Variants in PTPRT observed in about 807,000 individuals in gnomAD.
PTPRT encodes receptor-type tyrosine-protein phosphatase T.
In PTPRT, 56 loss-of-function variants were observed where a neutral mutation model predicts 176.8. The ratio of observed to expected loss-of-function variants is 0.32; its 90% CI spans 0.26 to 0.40. PTPRT has a LOEUF of 0.40. Ranked by LOEUF, PTPRT falls within the 10% of genes least tolerant of loss-of-function variation. PTPRT has a pLI of 1.00. For missense variants in PTPRT, 1,540 were observed against 1,908.2 expected, an observed-to-expected ratio of 0.81 and a Z score of 3.60; for synonymous variants, 783 against 739.0, an observed-to-expected ratio of 1.06 and a Z score of -0.96.
chr20:42,807,349 T>C (rs891473963), intron 2 of PTPRT, among the ~76,000 whole-genome samples: 12 of 152,220 alleles, frequency 7.9e-5, no homozygotes, highest in African/African-American at 2.9e-4. Context: ...CTTTCCAGTG[T>C]TGCTATGATC....
chr20:42,751,806 C>T (rs980624294), intron 6 of PTPRT, among the ~76,000 whole-genome samples: 3 of 152,096 alleles, frequency 2.0e-5, no homozygotes, highest in South Asian at 2.1e-4. Context: ...GCTACACTGC[C>T]GAGCTTTCCT....
chr20:42,705,163 C>G (rs1248706069), intron 6 of PTPRT, among the ~76,000 whole-genome samples: 1 of 152,138 alleles, frequency 6.6e-6, no homozygotes. Flanking sequence ...CAAGATTGCA[C>G]TACTGCACCC....
intron 9 of PTPRT, among the ~76,000 whole-genome samples, chr20:42,445,870 G>C (rs533876876): frequency 6.6e-6 from 1 of 152,262 alleles, no homozygotes; most frequent in East Asian, 1.9e-4. Flanking sequence ...TTTGTGCATG[G>C]GGCTTCAGAG....
At chr20:42,241,147 T>C (rs1404147309) in intron 14 of PTPRT, among the ~76,000 whole-genome samples, 1 of 152,168 alleles carries the variant, frequency 6.6e-6, no homozygotes, top group African/African-American at 2.4e-5. Flanking sequence ...TTAATAGCTA[T>C]TACATTGTAT....
At chr20:42,593,946 G>A (rs181195991) in intron 7 of PTPRT, among the ~76,000 whole-genome samples, 10 of 152,306 alleles carry the variant, frequency 6.6e-5, no homozygotes, top group Admixed American at 5.9e-4. Context: ...TTCAGAGAGA[G>A]GTTGAAGCTG....
chr20:42,300,755 T>A (rs1453196592), intron 12 of PTPRT, among the ~76,000 whole-genome samples: 5 of 142,932 alleles, frequency 3.5e-5, no homozygotes, highest in Admixed American at 6.9e-5. Context: ...TCTTTTTATT[T>A]GTATTATTAT....
chr20:43,135,014 T>C (rs2013778387), intron 1 of PTPRT, among the ~76,000 whole-genome samples: 1 of 152,104 alleles, frequency 6.6e-6, no homozygotes, highest in Non-Finnish European at 1.5e-5. Flanking sequence ...ACCCAAACTG[T>C]CTCCAGATAA....
intron 2 of PTPRT, among the ~76,000 whole-genome samples, chr20:42,824,306 CTTTTG>C (rs202196498): frequency 0.019 from 2,846 of 152,030 alleles, 29 homozygotes; most frequent in Non-Finnish European, 0.027. Flanking sequence ...GTCTCTCTCT[CTTTTG>C]TTTTGTTTTG....
At chr20:42,597,667 TCTC>T (rs1251877045) in intron 7 of PTPRT, among the ~76,000 whole-genome samples, 1 of 152,152 alleles carries the variant, frequency 6.6e-6, no homozygotes, top group Non-Finnish European at 1.5e-5. Flanking sequence ...TTTCCTGAGA[TCTC>T]CTCAGAAGCC....
intron 15 of PTPRT, among the ~76,000 whole-genome samples, chr20:42,208,092 T>C (rs1335155529): frequency 7.8e-6 from 1 of 128,426 alleles, no homozygotes; most frequent in Non-Finnish European, 1.6e-5. Context: ...AAGCAAATGC[T>C]GAGAGATTTT....
At chr20:43,052,949 T>C (rs1467567774) in intron 1 of PTPRT, among the ~76,000 whole-genome samples, 4 of 152,074 alleles carry the variant, frequency 2.6e-5, no homozygotes, top group African/African-American at 9.7e-5. Context: ...TGTGAAAATG[T>C]AAAGATGTTC....
At chr20:43,020,669 G>A (rs1286001038) in intron 1 of PTPRT, among the ~76,000 whole-genome samples, 2 of 152,146 alleles carry the variant, frequency 1.3e-5, no homozygotes, top group Non-Finnish European at 1.5e-5. Flanking sequence ...CTGGGAATCT[G>A]AGATACCGCT....
At chr20:42,256,927 G>T (rs954792716) in intron 13 of PTPRT, among the ~76,000 whole-genome samples, 2 of 152,166 alleles carry the variant, frequency 1.3e-5, no homozygotes, top group Admixed American at 6.5e-5. Context: ...CAAAGAAGGG[G>T]CCTGAGCCCA....
rs192944843 is a variant in PTPRT, at chr20:42,472,410, C to T, written c.1306G>A (p.Glu436Lys). ...YQYVFNQQQY[E>K]AEEVIQTSSH... ...GAGGTCTGGATGACCTCCTCGGCCT[C>T]GTACTGCTGCTGGTTGAACACATAC... Residue 436 changes from glutamate (E) to lysine (K), a missense_variant, in exon 8 of 31, where the codon GAG becomes AAG. Coordinates refer to ENST00000373187, the MANE Select transcript of PTPRT (RefSeq NM_007050.6). 1.6e-3 allele frequency: 2,625 copies of T among 1,614,252 alleles called. 8 individuals are homozygous for T. The highest frequency in any genetic ancestry group is 2.0e-3 in the Non-Finnish European group (2,314 of 1,180,052).
At chr20:42,998,557 C>T (rs1984356625) in intron 1 of PTPRT, among the ~76,000 whole-genome samples, 3 of 152,086 alleles carry the variant, frequency 2.0e-5, no homozygotes, top group Admixed American at 2.0e-4. Context: ...AGGATGTTGC[C>T]TCCTATATTG....
chr20:42,970,386 G>A (rs1356884477), intron 1 of PTPRT, among the ~76,000 whole-genome samples: 1 of 152,114 alleles, frequency 6.6e-6, no homozygotes, highest in African/African-American at 2.4e-5. Flanking sequence ...CTATTAATTG[G>A]CTGATGGTCA....
chr20:42,733,691 G>T (rs1021885012), intron 6 of PTPRT, among the ~76,000 whole-genome samples: 6 of 152,162 alleles, frequency 3.9e-5, no homozygotes, highest in African/African-American at 1.4e-4. Context: ...TCCATCCACT[G>T]CCCTTGCAGC....
At chr20:42,942,299 G>A (rs1311800174) in intron 1 of PTPRT, among the ~76,000 whole-genome samples, 1 of 152,208 alleles carries the variant, frequency 6.6e-6, no homozygotes, top group Non-Finnish European at 1.5e-5. Flanking sequence ...GGAAAGGTAG[G>A]TCATTTTAAC....
chr20:42,539,348 A>T (rs6102893), intron 7 of PTPRT, among the ~76,000 whole-genome samples: 1,877 of 148,064 alleles, frequency 0.013, 39 homozygotes, highest in African/African-American at 0.045. Flanking sequence ...ACAAAAGTGG[A>T]GGATCACCAT....
Sources: gnomAD v4.1 joint callset for allele counts (sites outside exome capture counted in the v4.1 genomes callset) on GRCh38, gnomAD v4.1.1 for gene constraint, MANE v1.5 for transcripts, NCBI Gene and HGNC (gene_info 2026-07-23, HGNC 2026-07-21) for gene names.